The following STK31 variants were observed in gnomAD, a reference collection of about 807,000 sequenced individuals.
The protein encoded by STK31 is serine/threonine kinase 31.
STK31 carries 89 observed loss-of-function variants against 129.7 expected under a neutral mutation model. The ratio of observed to expected loss-of-function variants is 0.69; its 90% confidence interval spans 0.58 to 0.82. The LOEUF is 0.82. Ranked by LOEUF, STK31 falls within the 40% of genes least tolerant of loss-of-function variation. STK31 has a pLI of 0.00. For missense variants in STK31, 1,187 were observed against 1,176.4 expected (o/e 1.01, Z -0.13); for synonymous variants, 448 against 395.3 (o/e 1.13, Z -1.58).
Position 23,710,241 on chromosome 7 carries a change from G to A in STK31, c.-45G>A. ...CTTGCGGTCGAAGCTCACGCGGTAAGCCGCTGCACGTGTGCTACGGCGGGC... is the reference window on the plus strand; with the variant it reads ...CTTGCGGTCGAAGCTCACGCGGTAAACCGCTGCACGTGTGCTACGGCGGGC... On this transcript the variant is annotated 5_prime_UTR_variant, in exon 1 of 24. Coordinates refer to ENST00000355870, the MANE Select transcript of STK31 (RefSeq NM_031414.5). The A allele has an allele frequency of 1.3e-6, 2 of 1,590,686 alleles. No homozygotes were observed. Among genetic ancestry groups the A allele is most frequent in the Non-Finnish European group, 8.6e-7 (1 of 1,166,948 alleles).
chr7:23,761,150 A>C (rs563969596), intron 10 of STK31, among the ~76,000 whole-genome samples: 2 of 152,370 alleles, frequency 1.3e-5, no homozygotes, highest in East Asian at 3.9e-4. Context: ...GAAAGTATTC[A>C]GGATGGAGCT....
intron 6 of STK31, among the ~76,000 whole-genome samples, chr7:23,729,826 A>G (rs1052531190): frequency 2.0e-5 from 3 of 152,194 alleles, no homozygotes; most frequent in East Asian, 1.9e-4. Context: ...AGTCTCTTAT[A>G]TGATGGAGAA....
intron 22 of STK31, among the ~76,000 whole-genome samples, chr7:23,801,998 A>G (rs1408485602): frequency 2.0e-5 from 3 of 152,192 alleles, no homozygotes; most frequent in Admixed American, 6.5e-5. Flanking sequence ...CTATTCAGCT[A>G]TCTTTCCTTT....
chr7:23,717,631 G>C, intron 4 of STK31, 52 bp downstream of exon 4: 1 of 1,415,644 alleles, frequency 7.1e-7, no homozygotes, highest in Non-Finnish European at 9.8e-7. Context: ...CAGCTTTCCT[G>C]TGTCTTAGAT....
chr7:23,745,978 G>A (rs561184620), intron 8 of STK31, among the ~76,000 whole-genome samples: 1 of 152,314 alleles, frequency 6.6e-6, no homozygotes, highest in African/African-American at 2.4e-5. Context: ...TAGGGAACAG[G>A]GTTGCTGCCA....
At chr7:23,827,635 G>C (rs1794255621) in intron 23 of STK31, among the ~76,000 whole-genome samples, 1 of 152,148 alleles carries the variant, frequency 6.6e-6, no homozygotes, top group African/African-American at 2.4e-5. Flanking sequence ...TCAGTTGCTG[G>C]TGAGGAGCTG....
intron 22 of STK31, among the ~76,000 whole-genome samples, chr7:23,802,393 G>A (rs1680813514): frequency 6.6e-6 from 1 of 152,342 alleles, no homozygotes; most frequent in East Asian, 1.9e-4. Flanking sequence ...ATCCAGCAAG[G>A]TCTGATAAGT....
chr7:23,759,509 A>G (rs981300917), intron 10 of STK31, among the ~76,000 whole-genome samples: 3 of 152,230 alleles, frequency 2.0e-5, no homozygotes, highest in African/African-American at 7.2e-5. Flanking sequence ...AGATATTGTA[A>G]TGATAGTTTG....
chr7:23,779,030 G>A (rs1451018023), intron 15 of STK31, among the ~76,000 whole-genome samples: 8 of 152,020 alleles, frequency 5.3e-5, no homozygotes, highest in South Asian at 2.1e-4. Context: ...TTGTGTGGAC[G>A]TCCTTTTTGT....
intron 15 of STK31, among the ~76,000 whole-genome samples, chr7:23,773,036 C>G (rs1324242342): frequency 6.6e-6 from 1 of 152,068 alleles, no homozygotes; most frequent in East Asian, 1.9e-4. Flanking sequence ...GATTTTTCAA[C>G]TTTTGGAGAA....
intron 10 of STK31, chr7:23,755,151 T>C (rs913264377): frequency 5.3e-5 from 8 of 152,156 alleles, no homozygotes; most frequent in Admixed American, 5.2e-4. Flanking sequence ...CCACATCCTC[T>C]CCAGCATCTA....
At chr7:23,832,113 G>C in intron 23 of STK31, 23 bp from the exon 24 acceptor site, 1 of 1,546,552 alleles carries the variant, frequency 6.5e-7, no homozygotes, top group Non-Finnish European at 8.9e-7. Context: ...CCTTTGTTTT[G>C]TAACACCTGT....
At chr7:23,749,585 T>C (rs1788572041) in intron 8 of STK31, among the ~76,000 whole-genome samples, 1 of 151,328 alleles carries the variant, frequency 6.6e-6, no homozygotes, top group African/African-American at 2.4e-5. Context: ...ACTCCTGGGC[T>C]CAAGCAGTTG....
intron 15 of STK31, among the ~76,000 whole-genome samples, chr7:23,778,880 C>T (rs908383802): frequency 1.3e-5 from 2 of 151,972 alleles, no homozygotes; most frequent in South Asian, 2.1e-4. Flanking sequence ...CCGTTGCTGG[C>T]GAGGACTTGT....
At chr7:23,747,735 G>C (rs1788448139) in intron 8 of STK31, among the ~76,000 whole-genome samples, 2 of 152,130 alleles carry the variant, frequency 1.3e-5, no homozygotes, top group South Asian at 4.1e-4. Context: ...ATTTAATCTA[G>C]GTTATCAAAT....
intron 8 of STK31, among the ~76,000 whole-genome samples, chr7:23,747,518 C>A (rs935237402): frequency 3.9e-5 from 6 of 152,020 alleles, no homozygotes; most frequent in Non-Finnish European, 8.8e-5. Context: ...TACAGGCGCC[C>A]GCCACCATGC....
intron 14 of STK31, 35 bp downstream of exon 14, chr7:23,771,159 TTGA>T: frequency 6.7e-7 from 1 of 1,497,256 alleles, no homozygotes. Flanking sequence ...ATCTTATAAA[TTGA>T]TGATTTGAAT....
intron 23 of STK31, among the ~76,000 whole-genome samples, chr7:23,817,071 C>G (rs1202508836): frequency 9.2e-5 from 14 of 152,108 alleles, no homozygotes. Context: ...GCCTGTAGTC[C>G]CAGCTACTTG....
At chr7:23,818,515 T>C (rs1011966945) in intron 23 of STK31, among the ~76,000 whole-genome samples, 6 of 152,170 alleles carry the variant, frequency 3.9e-5, no homozygotes, top group African/African-American at 1.2e-4. Flanking sequence ...CATTGGTTTG[T>C]TTATTCATAT....
Sources: allele counts gnomAD v4.1 joint callset (sites outside exome capture counted in the v4.1 genomes callset), GRCh38; gene constraint gnomAD v4.1.1; transcripts MANE v1.5; gene names NCBI Gene and HGNC (gene_info 2026-07-23, HGNC 2026-07-21).